The following RBFOX1 variants were observed in gnomAD, a reference collection of about 807,000 sequenced individuals.
RBFOX1 encodes the protein RNA binding fox-1 homolog 1.
Under a neutral mutation model 57.7 loss-of-function variants are expected in RBFOX1, and 8 were observed. That is an observed-to-expected ratio of 0.14 (90% CI 0.08 to 0.25). The LOEUF (loss-of-function observed/expected upper bound fraction) is 0.25. RBFOX1 is among the 10% of genes least tolerant of loss of function. The probability of loss-of-function intolerance (pLI) is 1.00; values close to 1 mark genes in which losing one functional copy is unlikely to be tolerated. For missense variants in RBFOX1, 611 were observed against 548.5 expected (o/e 1.11, Z -1.14); for synonymous variants, 326 against 222.4 (o/e 1.47, Z -4.15).
intron 4 of RBFOX1, among the ~76,000 whole-genome samples, chr16:7,131,732 C>T (rs1023584166): frequency 1.3e-5 from 2 of 151,960 alleles, no homozygotes; most frequent in African/African-American, 4.8e-5. Flanking sequence ...TGACCAGAGG[C>T]TCTTGTACAA....
chr16:5,612,597 A>C (rs1234610434), intron 3 of RBFOX1, among the ~76,000 whole-genome samples: 1 of 152,264 alleles, frequency 6.6e-6, no homozygotes, highest in African/African-American at 2.4e-5. Context: ...GGGTTTTCCC[A>C]GGAGGAGGCT....
At chr16:6,588,932 G>A (rs911864752) in intron 2 of RBFOX1, among the ~76,000 whole-genome samples, 1 of 152,058 alleles carries the variant, frequency 6.6e-6, no homozygotes, top group Non-Finnish European at 1.5e-5. Flanking sequence ...AATTTCCCCA[G>A]GATACACTAG....
chr16:5,931,120 C>G (rs553106729), intron 4 of RBFOX1, among the ~76,000 whole-genome samples: 2 of 152,290 alleles, frequency 1.3e-5, no homozygotes, highest in East Asian at 1.9e-4. Context: ...ACCTCTTGCT[C>G]TCTGCACGTA....
At chr16:5,928,915 G>C (rs1243862886) in intron 4 of RBFOX1, among the ~76,000 whole-genome samples, 1 of 151,398 alleles carries the variant, frequency 6.6e-6, no homozygotes, top group Admixed American at 6.6e-5. Context: ...TTTTGTAATT[G>C]AAAACAGAGC....
At chr16:7,341,389 T>C (rs1603624900) in intron 4 of RBFOX1, among the ~76,000 whole-genome samples, 1 of 152,172 alleles carries the variant, frequency 6.6e-6, no homozygotes, top group Admixed American at 6.6e-5. Flanking sequence ...TTATCAATCA[T>C]AGATTTCGTG....
intron 1 of RBFOX1, among the ~76,000 whole-genome samples, chr16:6,222,345 G>A (rs974275513): frequency 2.6e-5 from 4 of 152,068 alleles, no homozygotes; most frequent in Non-Finnish European, 1.5e-5. Flanking sequence ...AAAATTTCAT[G>A]CAAGCTTGAA....
At chr16:6,604,839 A>C (rs1384506645) in intron 2 of RBFOX1, among the ~76,000 whole-genome samples, 2 of 152,174 alleles carry the variant, frequency 1.3e-5, no homozygotes, top group African/African-American at 2.4e-5. Flanking sequence ...AGATGACTTC[A>C]TAAAAAGTAA....
At chr16:6,864,536 C>T (rs1160559615) in intron 3 of RBFOX1, among the ~76,000 whole-genome samples, 1 of 148,144 alleles carries the variant, frequency 6.8e-6, no homozygotes, top group Non-Finnish European at 1.5e-5. Context: ...CCCCCCTATT[C>T]TCTCCTTCCT....
intron 1 of RBFOX1, among the ~76,000 whole-genome samples, chr16:6,295,099 G>GTTTTTTTTTTTT (rs563055676): frequency 2.1e-5 from 2 of 96,004 alleles, no homozygotes; most frequent in African/African-American, 8.5e-5. Flanking sequence ...TAAGCAGTGA[G>GTTTTTTTTTTTT]TTTTTTTTTT....
chr16:7,033,888 G>T (rs6500898), intron 3 of RBFOX1, among the ~76,000 whole-genome samples: 2,437 of 152,304 alleles, frequency 0.016, 73 homozygotes, highest in African/African-American at 0.055. Context: ...AGGATTATTT[G>T]AGCCTGGGAA....
rs555120909 is a variant in RBFOX1 at position 7,305,299 on chromosome 16, T to C, written c.28-212848T>C. Reference sequence around the variant, plus strand: ...ACCCTCTCTGCTCTGTCATTCTTTCTTTATTGGAAGGGTTGCTTCCTGAGT... The same window carrying C: ...ACCCTCTCTGCTCTGTCATTCTTTCCTTATTGGAAGGGTTGCTTCCTGAGT... On this transcript the variant is annotated intron_variant, in intron 4 of 15. Transcript: ENST00000550418. Among the ~76,000 whole-genome samples the C allele has an allele frequency of 3.6e-3, 547 of 152,242 alleles. 5 individuals carry two copies. Among genetic ancestry groups the C allele is most frequent in the African/African-American group, 0.013 (520 of 41,540 alleles).
chr16:6,981,582 G>C (rs1280223061), intron 3 of RBFOX1, among the ~76,000 whole-genome samples: 2 of 152,150 alleles, frequency 1.3e-5, no homozygotes, highest in African/African-American at 4.8e-5. Context: ...GTTCCACGTG[G>C]CTGGGGAGGC....
At chr16:7,562,683 T>G (rs1192602128) in intron 5 of RBFOX1, among the ~76,000 whole-genome samples, 1 of 152,188 alleles carries the variant, frequency 6.6e-6, no homozygotes, top group Non-Finnish European at 1.5e-5. Context: ...TTCTGCCTCC[T>G]AGGTTCCTTC....
chr16:6,672,058 C>T (rs771955687), intron 3 of RBFOX1, among the ~76,000 whole-genome samples: 1 of 152,206 alleles, frequency 6.6e-6, no homozygotes, highest in Non-Finnish European at 1.5e-5. Context: ...TAGGTGAACC[C>T]ATCCGATAGT....
chr16:5,702,256 A>C (rs531356279), intron 3 of RBFOX1, among the ~76,000 whole-genome samples: 49 of 152,330 alleles, frequency 3.2e-4, no homozygotes, highest in African/African-American at 1.2e-3. Context: ...GGTGAATGGG[A>C]AGCAAGCCCC....
At chr16:5,288,240 A>G (rs912356627) in intron 1 of RBFOX1, among the ~76,000 whole-genome samples, 2 of 152,216 alleles carry the variant, frequency 1.3e-5, no homozygotes, top group African/African-American at 2.4e-5. Flanking sequence ...TGTTGAATAT[A>G]TATATAGTCT....
intron 3 of RBFOX1, among the ~76,000 whole-genome samples, chr16:5,791,028 C>T (rs1414830297): frequency 6.6e-6 from 1 of 151,984 alleles, no homozygotes; most frequent in Non-Finnish European, 1.5e-5. Flanking sequence ...ACCACCACAC[C>T]TGGCAAATTT....
intron 2 of RBFOX1, among the ~76,000 whole-genome samples, chr16:6,639,903 C>A (rs1256215414): frequency 6.6e-6 from 1 of 151,960 alleles, no homozygotes; most frequent in Non-Finnish European, 1.5e-5. Flanking sequence ...AAAAACAAAA[C>A]CAAAAAAACA....
intron 2 of RBFOX1, among the ~76,000 whole-genome samples, chr16:6,507,899 T>G (rs1048841676): frequency 6.6e-6 from 1 of 152,108 alleles, no homozygotes; most frequent in Non-Finnish European, 1.5e-5. Context: ...TACAGATGTA[T>G]TGTACAAAAT....
Sources: allele counts gnomAD v4.1 joint callset (sites outside exome capture counted in the v4.1 genomes callset), GRCh38; gene constraint gnomAD v4.1.1; transcripts MANE v1.5; gene names NCBI Gene and HGNC (gene_info 2026-07-23, HGNC 2026-07-21).